Variants in SEC24A observed in about 807,000 individuals in gnomAD.
SEC24A encodes SEC24 homolog A, COPII component.
A neutral mutation model predicts 129.4 loss-of-function variants in SEC24A; 93 were observed. The ratio of observed to expected loss-of-function variants is 0.72; its 90% CI spans 0.61 to 0.85. SEC24A has a LOEUF of 0.85. Among genes scored for constraint, SEC24A ranks in the 40% least tolerant of loss-of-function variants. The probability of loss-of-function intolerance (pLI) is 0.00; values close to 1 mark genes in which losing one functional copy is unlikely to be tolerated. For missense variants in SEC24A, 1,264 were observed against 1,307.4 expected (o/e 0.97, Z 0.51); for synonymous variants, 460 against 467.3 (o/e 0.98, Z 0.20).
intron 11 of SEC24A, among the ~76,000 whole-genome samples, chr5:134,688,710 C>T (rs7705067): frequency 0.36 from 55,302 of 151,618 alleles, 11,064 homozygotes; most frequent in East Asian, 0.68. Flanking sequence ...GATGGAGTCT[C>T]ACTCTGTCGC....
chr5:134,718,688 AG>A (rs1752546237), intron 20 of SEC24A, among the ~76,000 whole-genome samples: 2 of 152,106 alleles, frequency 1.3e-5, no homozygotes, highest in African/African-American at 4.8e-5. Context: ...TTTTAAAAAT[AG>A]GGCCGGGCAC....
intron 8 of SEC24A, among the ~76,000 whole-genome samples, chr5:134,680,650 T>A (rs1432940673): frequency 6.6e-6 from 1 of 151,770 alleles, no homozygotes; most frequent in Non-Finnish European, 1.5e-5. Flanking sequence ...TTGTTTTTGT[T>A]TGTTTGTTTT....
At chr5:134,689,924 AG>A (rs1491002002) in intron 11 of SEC24A, among the ~76,000 whole-genome samples, 2 of 151,618 alleles carry the variant, frequency 1.3e-5, no homozygotes, top group African/African-American at 4.8e-5. Context: ...ACTTATATAT[AG>A]TACCTAGAAT....
intron 2 of SEC24A, among the ~76,000 whole-genome samples, chr5:134,664,798 T>C (rs867169248): frequency 6.4e-5 from 8 of 124,174 alleles, no homozygotes; most frequent in Non-Finnish European, 9.5e-5. Context: ...TTTTCTTTTT[T>C]TTTTTTTTTT....
At chr5:134,724,876 TTATA>T in intron 22 of SEC24A, 100 bp from the exon 23 acceptor site, 1 of 670,054 alleles carries the variant, frequency 1.5e-6, no homozygotes, top group Non-Finnish European at 2.7e-6. Context: ...AAGTAACTGT[TTATA>T]TAGTAAATGT....
chr5:134,660,420 C>G (rs1750411469), intron 1 of SEC24A, among the ~76,000 whole-genome samples: 1 of 152,002 alleles, frequency 6.6e-6, no homozygotes, highest in African/African-American at 2.4e-5. Flanking sequence ...AAATATGAAA[C>G]TAGGCCAGGA....
intron 1 of SEC24A, among the ~76,000 whole-genome samples, chr5:134,656,083 C>CTTTT (rs70976549): frequency 7.2e-6 from 1 of 138,724 alleles, no homozygotes. Context: ...AGCTAAATAT[C>CTTTT]TTTTTTTTTT....
chr5:134,694,010 T>C, intron 13 of SEC24A, 77 bp downstream of exon 13: 1 of 1,226,302 alleles, frequency 8.2e-7, no homozygotes, highest in Non-Finnish European at 1.2e-6. Context: ...GTTTTTTCTT[T>C]AAATTTATTT....
At chr5:134,705,070 T>TTATATATATATATA (rs764489420) in intron 16 of SEC24A, among the ~76,000 whole-genome samples, 5 of 133,344 alleles carry the variant, frequency 3.7e-5, no homozygotes, top group African/African-American at 1.4e-4. Context: ...ATATTTATAT[T>TTATATATATATATA]TATATATATA....
At position 134,688,228 on chromosome 5, in the gene SEC24A, G is replaced by A; in HGVS notation, c.1652G>A (p.Ser551Asn). 1 of 1,613,256 alleles carries A rather than the reference G, an allele frequency of 6.2e-7. No individual in the cohort carries two copies. The highest frequency in any genetic ancestry group is 8.5e-7 in the Non-Finnish European group (1 of 1,179,372). Residue 551 changes from serine (S) to asparagine (N), a missense_variant, in exon 11 of 23, where the codon AGT becomes AAT. Physicochemically the swap from Ser to Asn is conservative, Grantham distance 46. Transcript: ENST00000398844. Reference protein sequence around the residue: ...RTKIGFITFDSTIHFYGLQES... With the variant: ...RTKIGFITFDNTIHFYGLQES... ...AAAATTGGCTTCATAACATTTGACA[G>A]TACAATCCATTTCTACGGTCTTCAG...
intron 7 of SEC24A, among the ~76,000 whole-genome samples, chr5:134,678,457 TA>T (rs1751142828): frequency 6.6e-6 from 1 of 151,848 alleles, no homozygotes; most frequent in Non-Finnish European, 1.5e-5. Flanking sequence ...TTTATTTATT[TA>T]AAAACTCTTT....
chr5:134,674,393 C>T (rs1258634308), intron 4 of SEC24A, among the ~76,000 whole-genome samples: 1 of 151,964 alleles, frequency 6.6e-6, no homozygotes, highest in African/African-American at 2.4e-5. Flanking sequence ...AAACATTAGC[C>T]GGGCATGATG....
chr5:134,668,820 C>T (rs1383477661), intron 3 of SEC24A, among the ~76,000 whole-genome samples: 9 of 151,860 alleles, frequency 5.9e-5, no homozygotes, highest in Admixed American at 3.9e-4. Flanking sequence ...TGCTTGAACC[C>T]GTAAGGCCAC....
chr5:134,694,776 ACCATTGC>A (rs1247579727), intron 13 of SEC24A, among the ~76,000 whole-genome samples: 40 of 150,790 alleles, frequency 2.7e-4, no homozygotes, highest in South Asian at 8.4e-4. Flanking sequence ...CCAAGATCGC[ACCATTGC>A]ACTCCAGCCT....
At chr5:134,665,736 T>C (rs1313879239) in intron 2 of SEC24A, among the ~76,000 whole-genome samples, 4 of 152,078 alleles carry the variant, frequency 2.6e-5, no homozygotes, top group Admixed American at 6.6e-5. Context: ...TTTTGTATTT[T>C]TAGTAGAGAT....
At chr5:134,662,484 C>T (rs1750507834) in intron 2 of SEC24A, among the ~76,000 whole-genome samples, 1 of 152,122 alleles carries the variant, frequency 6.6e-6, no homozygotes, top group Admixed American at 6.6e-5. Context: ...TTGGGATCTG[C>T]AGGTTGATAC....
At position 134,701,699 on chromosome 5, in the gene SEC24A, C is replaced by T. The variant is rs552257686; in HGVS notation, c.2267-2060C>T. Among the ~76,000 whole-genome samples the T allele has an allele frequency of 8.6e-5, 13 of 151,788 alleles. No individual in the cohort carries two copies. The South Asian group carries it at 1.0e-3, about 12-fold the overall frequency. ...CTAATTTTTGTATTTTTAGTAGAGA[C>T]GGAGTTTCACCATGTCGGTGAGGCT... is the stretch of plus-strand genomic sequence containing the variant. On this transcript the variant is annotated intron_variant, in intron 15 of 22. Transcript: ENST00000398844.
intron 21 of SEC24A, among the ~76,000 whole-genome samples, chr5:134,721,756 T>C (rs1752634730): frequency 6.6e-6 from 1 of 151,900 alleles, no homozygotes; most frequent in South Asian, 2.1e-4. Flanking sequence ...ACTGTGGTCT[T>C]AGCTACTTAC....
chr5:134,668,734 CA>C (rs201252724), intron 3 of SEC24A, among the ~76,000 whole-genome samples: 3 of 145,970 alleles, frequency 2.1e-5, no homozygotes, highest in Non-Finnish European at 4.5e-5. Context: ...CACACACACA[CA>C]AAAAAAACCA....
Sources: allele counts gnomAD v4.1 joint callset (sites outside exome capture counted in the v4.1 genomes callset), GRCh38; gene constraint gnomAD v4.1.1; transcripts MANE v1.5; gene names NCBI Gene and HGNC (gene_info 2026-07-23, HGNC 2026-07-21).